MAPKAP1: variants seen among roughly 807,000 people sequenced by gnomAD.
MAPKAP1 encodes target of rapamycin complex 2 subunit MAPKAP1.
Under a neutral mutation model 65.7 loss-of-function variants are expected in MAPKAP1, and 20 were observed. The observed-to-expected ratio is 0.30, with a 90% CI of 0.21 to 0.44. MAPKAP1 has a LOEUF of 0.44. Among genes scored for constraint, MAPKAP1 ranks in the 20% least tolerant of loss-of-function variants. The pLI, the probability that MAPKAP1 is intolerant of heterozygous loss-of-function variation, is 1.00. For missense variants in MAPKAP1, 423 were observed against 648.0 expected, an observed-to-expected ratio of 0.65 and a Z score of 3.77; for synonymous variants, 222 against 244.3, an observed-to-expected ratio of 0.91 and a Z score of 0.85.
chr9:125,571,592 C>G (rs1831232726), intron 5 of MAPKAP1, among the ~76,000 whole-genome samples: 1 of 152,160 alleles, frequency 6.6e-6, no homozygotes, highest in South Asian at 2.1e-4. Context: ...TGCAGTGGCT[C>G]ATGCCTGTAA....
At chr9:125,491,810 AC>A (rs1442118573) in intron 8 of MAPKAP1, among the ~76,000 whole-genome samples, 4 of 152,010 alleles carry the variant, frequency 2.6e-5, no homozygotes, top group East Asian at 1.9e-4. Context: ...AAACAAAAAA[AC>A]ATAAAACTGT....
intron 4 of MAPKAP1, among the ~76,000 whole-genome samples, chr9:125,654,619 C>G (rs897713137): frequency 6.6e-6 from 1 of 152,162 alleles, no homozygotes; most frequent in Non-Finnish European, 1.5e-5. Context: ...TAGCCAACCA[C>G]TGTTTTAAAA....
rs942767204 is a variant in MAPKAP1 at position 125,438,735 on chromosome 9, C to T, written c.*152G>A. On this transcript the variant is annotated 3_prime_UTR_variant, in exon 12 of 12. Transcript: ENST00000265960. ...CCAGCGCTCCCTCCTAGGGGGCCCC[C>T]GACACCTTCCCCGAGAGCCCACCTG... 11 of 1,073,818 alleles carry T rather than the reference C, an allele frequency of 1.0e-5. No individual in the cohort carries two copies. The highest frequency in any genetic ancestry group is 2.4e-5 in the East Asian group (1 of 41,584). 66.5% of individuals were successfully genotyped at this position (1,073,818 alleles called of 1,614,324 possible).
At chr9:125,468,218 A>AG in intron 9 of MAPKAP1, 109 bp from the exon 10 acceptor site, 1 of 1,195,726 alleles carries the variant, frequency 8.4e-7, no homozygotes. Flanking sequence ...CATGAACGTG[A>AG]GCTCTTTCTT....
chr9:125,523,891 T>C (rs573023925), intron 7 of MAPKAP1, among the ~76,000 whole-genome samples: 4 of 152,142 alleles, frequency 2.6e-5, no homozygotes, highest in Non-Finnish European at 5.9e-5. Flanking sequence ...ATCTGCCCTG[T>C]TCCCTGCTGT....
intron 1 of MAPKAP1, among the ~76,000 whole-genome samples, chr9:125,674,163 CT>C (rs1027809205): frequency 7.4e-5 from 11 of 148,786 alleles, no homozygotes; most frequent in South Asian, 4.3e-4. Flanking sequence ...TTGAGCCTCC[CT>C]TTTTTTTTTC....
At chr9:125,547,985 G>A (rs1462997769) in intron 6 of MAPKAP1, among the ~76,000 whole-genome samples, 1 of 152,194 alleles carries the variant, frequency 6.6e-6, no homozygotes, top group African/African-American at 2.4e-5. Flanking sequence ...CACAATACAA[G>A]TTGTCCACTG....
chr9:125,457,164 T>A (rs1175902563), intron 10 of MAPKAP1, among the ~76,000 whole-genome samples: 1 of 152,090 alleles, frequency 6.6e-6, no homozygotes, highest in Admixed American at 6.6e-5. Context: ...AATTTTTGCA[T>A]TTTTAGTAGA....
In MAPKAP1 at chr9:125,680,851, A is replaced by C. The variant is rs897081592; in HGVS notation, c.-69-8208T>G. On this transcript the variant is annotated intron_variant, in intron 1 of 11. Coordinates refer to ENST00000265960, the MANE Select transcript of MAPKAP1 (RefSeq NM_001006617.3). ...CCACCAAATGAGATATTAAGACAACATGTTTTCCAAGAGACAGGAACATCA... is the reference window on the plus strand; with the variant it reads ...CCACCAAATGAGATATTAAGACAACCTGTTTTCCAAGAGACAGGAACATCA... Among the ~76,000 whole-genome samples the C allele has an allele frequency of 2.6e-5, 4 of 152,206 alleles. No homozygotes were observed. In the East Asian group the frequency reaches 7.7e-4, roughly 29 times the overall value.
intron 4 of MAPKAP1, among the ~76,000 whole-genome samples, chr9:125,590,467 TG>T (rs1831923447): frequency 6.6e-6 from 1 of 151,982 alleles, no homozygotes; most frequent in Admixed American, 6.6e-5. Context: ...CTGGCCAACA[TG>T]GTGAAACCCC....
At chr9:125,559,190 CAT>C (rs775700381) in intron 6 of MAPKAP1, 19 of 153,096 alleles carry the variant, frequency 1.2e-4, no homozygotes, top group East Asian at 1.9e-4. Context: ...AAGCTGAAGA[CAT>C]GTGCTCAGTC....
chr9:125,643,273 C>A (rs34497362), intron 4 of MAPKAP1, among the ~76,000 whole-genome samples: 43,670 of 151,640 alleles, frequency 0.29, 7,646 homozygotes, highest in Non-Finnish European at 0.4. Flanking sequence ...TGGCTTACTG[C>A]AAACTCTGCC....
chr9:125,658,867 G>A (rs574780034), intron 3 of MAPKAP1, among the ~76,000 whole-genome samples: 5 of 152,202 alleles, frequency 3.3e-5, no homozygotes, highest in Middle Eastern at 3.4e-3. Context: ...CGCAATAGAC[G>A]TGTTCAACCC....
chr9:125,583,287 T>G (rs1435137151), intron 5 of MAPKAP1, among the ~76,000 whole-genome samples: 1 of 152,226 alleles, frequency 6.6e-6, no homozygotes, highest in Admixed American at 6.5e-5. Flanking sequence ...TCAGTTTAGA[T>G]GTCATTTAAT....
intron 1 of MAPKAP1, among the ~76,000 whole-genome samples, chr9:125,698,319 ATATATATATATATAT>A (rs1835486257): frequency 9.3e-6 from 1 of 107,768 alleles, no homozygotes; most frequent in Non-Finnish European, 1.8e-5. Context: ...ATATATATAT[ATATATATATATATAT>A]ATAAAATATA....
chr9:125,656,564 G>C (rs1035294262), intron 4 of MAPKAP1, among the ~76,000 whole-genome samples: 2 of 151,910 alleles, frequency 1.3e-5, no homozygotes, highest in Admixed American at 1.3e-4. Context: ...TGAATTGTAG[G>C]AAGTAAAAGT....
chr9:125,481,459 G>A (rs1854314230), intron 9 of MAPKAP1, among the ~76,000 whole-genome samples: 1 of 152,052 alleles, frequency 6.6e-6, no homozygotes, highest in African/African-American at 2.4e-5. Flanking sequence ...GTCTAACACT[G>A]TCGCCCAGGC....
rs112861928 is a variant in MAPKAP1, at chr9:125,450,050, G to A, written c.1346-5452C>T. ...CGATTCTCCTGCCTCAGCCTCCTGA[G>A]TAGCTGGTATTACAGGTACCCCCCA... On this transcript the variant is annotated intron_variant, in intron 10 of 11. Coordinates refer to ENST00000265960, the MANE Select transcript of MAPKAP1 (RefSeq NM_001006617.3). Among the ~76,000 whole-genome samples, 1,467 of 152,052 alleles carry A rather than the reference G, an allele frequency of 9.6e-3. 20 individuals carry two copies. The highest frequency in any genetic ancestry group is 0.026 in the South Asian group (126 of 4,806).
chr9:125,482,551 A>T (rs1483127918), intron 9 of MAPKAP1, among the ~76,000 whole-genome samples: 6 of 152,202 alleles, frequency 3.9e-5, no homozygotes, highest in African/African-American at 1.4e-4. Context: ...CACTTTAGAT[A>T]TTTAAGGTTT....
Sources: gnomAD v4.1 joint callset for allele counts (sites outside exome capture counted in the v4.1 genomes callset) on GRCh38, gnomAD v4.1.1 for gene constraint, MANE v1.5 for transcripts, NCBI Gene and HGNC (gene_info 2026-07-23, HGNC 2026-07-21) for gene names.